GRIN2D: variants seen among roughly 807,000 people sequenced by gnomAD.
GRIN2D encodes the protein glutamate receptor ionotropic, NMDA 2D.
A neutral mutation model predicts 103.2 loss-of-function variants in GRIN2D; 37 were observed. The ratio of observed to expected loss-of-function variants is 0.36; its 90% CI spans 0.28 to 0.47. GRIN2D has a LOEUF of 0.47. Among genes scored for constraint, GRIN2D ranks in the 20% least tolerant of loss-of-function variants. The pLI, the probability that GRIN2D is intolerant of heterozygous loss-of-function variation, is 1.00. For synonymous variants in GRIN2D, 845 were observed against 885.6 expected (o/e 0.95, Z 0.81); for missense variants, 1,557 against 1,910.6 (o/e 0.81, Z 3.45).
Position 48,442,999 on chromosome 19 carries a change from C to T in GRIN2D, c.3073C>T (p.Pro1025Ser), listed in dbSNP as rs1971320766. The T allele has an allele frequency of 1.8e-6, 2 of 1,092,324 alleles. No homozygotes were observed. Among genetic ancestry groups the T allele is most frequent in the Non-Finnish European group, 2.2e-6 (2 of 896,940 alleles). The allele number at this position is 1,092,324 out of a possible 1,614,324, so 67.7% of individuals were successfully genotyped here. The change falls in exon 14 of 14, where the codon CCC (proline) becomes TCC (serine). Residue 1025 changes from proline (P) to serine (S), a missense_variant. Physicochemically the swap from Pro to Ser is moderately conservative, Grantham distance 74 (BLOSUM62 -1). Transcript: ENST00000263269. The surrounding 1 kb of genome is among the most constrained non-coding windows in gnomAD (Gnocchi z 7.2). The part of the protein sequence containing the change: ...EPAEPPAGAF[P>S]GFPSPPAPPA... ...AGCCGAGCCCCCCGCCGGCGCCTTCCCCGGCTTCCCGTCGCCGCCCGCGCC... is the reference window on the plus strand; with the variant it reads ...AGCCGAGCCCCCCGCCGGCGCCTTCTCCGGCTTCCCGTCGCCGCCCGCGCC...
intron 4 of GRIN2D, among the ~76,000 whole-genome samples, chr19:48,412,163 A>T (rs1191618877): frequency 1.3e-5 from 2 of 151,116 alleles, no homozygotes; most frequent in African/African-American, 4.9e-5. Flanking sequence ...CGTCTCTACT[A>T]AAAAAAATAC....
chr19:48,414,201 G>A lies in GRIN2D; in HGVS notation c.1200+96G>A. 1.1e-6 allele frequency: 1 copy of A among 916,178 alleles called. No individual in the cohort carries two copies. The highest frequency in any genetic ancestry group is 1.6e-5 in the African/African-American group (1 of 61,394). 56.8% of individuals were successfully genotyped at this position (916,178 alleles called of 1,614,324 possible). ...TGAGGTCGTGGACTAAGAGGGAGGA[G>A]GGGACAAGGAGCCTGGACTCCTGGG... On this transcript the variant is annotated intron_variant, in intron 5 of 13. Coordinates refer to ENST00000263269, the MANE Select transcript of GRIN2D (RefSeq NM_000836.4). This position sits in a 1 kb window ranked among gnomAD's most constrained non-coding sequence, Gnocchi z 4.6.
chr19:48,443,560 C>G lies in GRIN2D; in HGVS notation c.3634C>G (p.Pro1212Ala). ...CGGCGGCTGGTGGGCGCCACCGCCT[C>G]CACCCTGGGCCGCCGGGCCCCTGCC... ...LDGGWWAPPP[P>A]PWAAGPLPRR... Residue 1212 changes from proline (P) to alanine (A), a missense_variant, in exon 14 of 14, where the codon CCA (proline) becomes GCA (alanine). Physicochemically the swap from Pro to Ala is conservative, Grantham distance 27 (BLOSUM62 -1). Around this residue, in one of 7 missense-constraint regions of GRIN2D, gnomAD observed 632 missense variants for 572.8 expected, o/e 1.10. Transcript: ENST00000263269. The surrounding 1 kb of genome is among the most constrained non-coding windows in gnomAD (Gnocchi z 8.9). 1 of 1,237,630 alleles carries G rather than the reference C, an allele frequency of 8.1e-7. No individual in the cohort carries two copies. The highest frequency in any genetic ancestry group is 3.0e-5 in the South Asian group (1 of 33,720). The allele number at this position is 1,237,630 out of a possible 1,614,324, so 76.7% of individuals were successfully genotyped here.
At chr19:48,406,632 G>A (rs1970794967) in intron 4 of GRIN2D, among the ~76,000 whole-genome samples, 1 of 152,216 alleles carries the variant, frequency 6.6e-6, no homozygotes, top group African/African-American at 2.4e-5. Context: ...CTCATGCTGG[G>A]CGCTGGGAAC....
At chr19:48,395,268 C>T (rs1219456185) in intron 2 of GRIN2D, among the ~76,000 whole-genome samples, 3 of 151,712 alleles carry the variant, frequency 2.0e-5, no homozygotes, top group Admixed American at 6.6e-5. Context: ...GTACCCCCCT[C>T]CCTGCATCAG....
chr19:48,428,507 C>T (rs1041416246), intron 11 of GRIN2D, among the ~76,000 whole-genome samples: 24 of 151,934 alleles, frequency 1.6e-4, no homozygotes, highest in African/African-American at 4.6e-4. Flanking sequence ...AGATTACAGG[C>T]GTGTGCCACC....
At chr19:48,406,167 AGGCTAGACGTCCATTCCT>A (rs1970789753) in intron 4 of GRIN2D, among the ~76,000 whole-genome samples, 2 of 152,140 alleles carry the variant, frequency 1.3e-5, no homozygotes, top group Non-Finnish European at 2.9e-5. Context: ...CCATTCCGAT[AGGCTAGACGTCCATTCCT>A]GGCTAGACGT....
rs1970609411 is a variant in GRIN2D at position 48,394,475 on chromosome 19, C to T, written c.-305-183C>T. ...GAAGGGGGGGTGGGGGGGCTGAGGG[C>T]ACAAAGCGGGGGTGCGAGTGAGCCA... On this transcript the variant is annotated intron_variant, in intron 1 of 13. Transcript: ENST00000263269. The surrounding 1 kb of genome is among the most constrained non-coding windows in gnomAD (Gnocchi z 5.1). Among the ~76,000 whole-genome samples, 3 of 145,620 alleles carry T rather than the reference C, an allele frequency of 2.1e-5. No individual in the cohort carries two copies. The highest frequency in any genetic ancestry group is 4.5e-5 in the Non-Finnish European group (3 of 66,868).
chr19:48,432,939 C>T (rs1378453473), intron 11 of GRIN2D, among the ~76,000 whole-genome samples: 13 of 150,628 alleles, frequency 8.6e-5, no homozygotes, highest in South Asian at 2.1e-4. Context: ...TACAGGCGCC[C>T]GCAACCATGC....
intron 3 of GRIN2D, among the ~76,000 whole-genome samples, chr19:48,402,999 G>C (rs1970737344): frequency 6.6e-6 from 1 of 151,994 alleles, no homozygotes; most frequent in Non-Finnish European, 1.5e-5. Context: ...AGAAGTTCGA[G>C]ACCAGCTTGG....
rs1971324920 is a variant in GRIN2D, at chr19:48,443,105, G to A, written c.3179G>A (p.Arg1060Gln). 2.0e-6 allele frequency: 2 copies of A among 1,020,930 alleles called. No individual in the cohort carries two copies. The highest frequency in any genetic ancestry group is 1.7e-5 in the African/African-American group (1 of 57,190). 63.2% of individuals were successfully genotyped at this position (1,020,930 alleles called of 1,614,324 possible). ...FEDESPPAPA[R>Q]WPRSDPESQP... ...GACGAGAGCCCGCCGGCGCCCGCGCGGTGGCCGCGCTCGGACCCCGAGAGC... is the reference window on the plus strand; with the variant it reads ...GACGAGAGCCCGCCGGCGCCCGCGCAGTGGCCGCGCTCGGACCCCGAGAGC... Residue 1060 changes from arginine to glutamine, a missense_variant, in exon 14 of 14, where the codon CGG (arginine) becomes CAG (glutamine). By Grantham distance (43) the Arg-to-Gln change is conservative (BLOSUM62 1). Coordinates refer to ENST00000263269, the MANE Select transcript of GRIN2D (RefSeq NM_000836.4). The surrounding 1 kb of genome is among the most constrained non-coding windows in gnomAD (Gnocchi z 8.9).
intron 11 of GRIN2D, among the ~76,000 whole-genome samples, chr19:48,425,734 A>T (rs1344062105): frequency 6.6e-6 from 1 of 152,170 alleles, no homozygotes; most frequent in East Asian, 1.9e-4. Context: ...TTTAATAAGT[A>T]AAAATAGCTG....
At position 48,414,636 on chromosome 19, in the gene GRIN2D, G is replaced by A; in HGVS notation, c.1412+52G>A. 6.7e-7 allele frequency: 1 copy of A among 1,503,304 alleles called. No individual in the cohort carries two copies. Among genetic ancestry groups the A allele is most frequent in the Non-Finnish European group, 9.0e-7 (1 of 1,106,258 alleles). 93.1% of individuals were successfully genotyped at this position (1,503,304 alleles called of 1,614,324 possible). A position where few individuals can be genotyped will look rare whatever the true frequency, so the allele number is the denominator to read the frequency against. ...GGCTCCAAAACCCGCCTCCCGTGAA[G>A]CCCAGTAGTCTGGGCCCCCAGCCCC... is the stretch of plus-strand genomic sequence containing the variant. On this transcript the variant is annotated intron_variant, in intron 6 of 13. Coordinates refer to ENST00000263269, the MANE Select transcript of GRIN2D (RefSeq NM_000836.4). The surrounding 1 kb of genome is among the most constrained non-coding windows in gnomAD (Gnocchi z 4.6).
chr19:48,427,938 T>C (rs1971107099), intron 11 of GRIN2D, among the ~76,000 whole-genome samples: 1 of 152,154 alleles, frequency 6.6e-6, no homozygotes, highest in Non-Finnish European at 1.5e-5. Flanking sequence ...TTCAGAGGGC[T>C]GTGAGGGAAG....
intron 11 of GRIN2D, among the ~76,000 whole-genome samples, chr19:48,430,351 A>C (rs1439653692): frequency 6.6e-6 from 1 of 152,104 alleles, no homozygotes; most frequent in Non-Finnish European, 1.5e-5. Flanking sequence ...GGCGTGCGCC[A>C]CTGCGCCTGG....
Position 48,442,067 on chromosome 19 carries a change from GCTA to G in GRIN2D, c.2441-82_2441-80del. Reference sequence around the variant, plus strand: ...ACACCAGGGTCTGAGGGAGGAAGGGGCTAAGGGCCTACATTCCCACATCACAGA... The same window carrying G: ...ACACCAGGGTCTGAGGGAGGAAGGGGAGGGCCTACATTCCCACATCACAGA... On this transcript the variant is annotated intron_variant, in intron 12 of 13. Coordinates refer to ENST00000263269, the MANE Select transcript of GRIN2D (RefSeq NM_000836.4). The surrounding 1 kb of genome is among the most constrained non-coding windows in gnomAD (Gnocchi z 7.2). 1 of 1,517,096 alleles carries G rather than the reference GCTA, an allele frequency of 6.6e-7. No homozygotes were observed. The highest frequency in any genetic ancestry group is 9.0e-7 in the Non-Finnish European group (1 of 1,105,184). 94.0% of individuals were successfully genotyped at this position (1,517,096 alleles called of 1,614,324 possible).
intron 11 of GRIN2D, among the ~76,000 whole-genome samples, chr19:48,426,220 C>T (rs1416450756): frequency 5.7e-4 from 73 of 127,068 alleles, no homozygotes; most frequent in Admixed American, 2.6e-3. Context: ...TTCTTTCTTT[C>T]TTTCTTTTTT....
rs777459726 is a variant in GRIN2D at position 48,414,068 on chromosome 19, T to C, written c.1163T>C (p.Val388Ala). The change falls in exon 5 of 14, where the codon GTG (valine) becomes GCG (alanine). Residue 388 changes from valine (V) to alanine (A), a missense_variant. Val to Ala is a moderately conservative substitution (Grantham distance 64, BLOSUM62 0). Transcript: ENST00000263269. This position sits in a 1 kb window ranked among gnomAD's most constrained non-coding sequence, Gnocchi z 4.6. ...EDGFLVNPSL[V>A]VISLTRDRTW... The stretch of plus-strand genomic sequence containing the variant: ...GGCTTCCTAGTGAACCCCTCCCTGG[T>C]GGTCATCTCCCTCACCAGAGACAGG... 25 of 1,611,662 alleles carry C rather than the reference T, an allele frequency of 1.6e-5. 1 individual carries two copies. In the Admixed American group the frequency reaches 3.5e-4, roughly 23 times the overall value.
intron 11 of GRIN2D, among the ~76,000 whole-genome samples, chr19:48,435,150 G>A (rs1971213276): frequency 1.3e-5 from 2 of 152,096 alleles, no homozygotes; most frequent in South Asian, 4.1e-4. Context: ...AGGCTAGAAG[G>A]TCAAAATCAA....
Sources: allele counts gnomAD v4.1 joint callset (sites outside exome capture counted in the v4.1 genomes callset), GRCh38; gene constraint gnomAD v4.1.1; regional missense constraint gnomAD v4.1.1; non-coding constraint Gnocchi (gnomAD v3.1); transcripts MANE v1.5; gene names NCBI Gene and HGNC (gene_info 2026-07-23, HGNC 2026-07-21).